Variants in CSMD3 observed in about 807,000 individuals in gnomAD.
CSMD3 encodes the protein CUB and Sushi multiple domains 3.
Under a neutral mutation model 435.2 loss-of-function variants are expected in CSMD3, and 177 were observed. The ratio of observed to expected loss-of-function variants is 0.41; its 90% CI spans 0.36 to 0.46. CSMD3 has a LOEUF of 0.46. Ranked by LOEUF, CSMD3 falls within the 20% of genes least tolerant of loss-of-function variation. CSMD3 has a pLI of 0.34. For synonymous variants in CSMD3, 1,656 were observed against 1,520.5 expected (o/e 1.09, Z -2.07); for missense variants, 4,265 against 4,504.6 (o/e 0.95, Z 1.52).
At chr8:113,224,089 A>G (rs569398494) in intron 3 of CSMD3, among the ~76,000 whole-genome samples, 21 of 149,898 alleles carry the variant, frequency 1.4e-4, no homozygotes, top group African/African-American at 4.0e-4. Context: ...ACAATTTCAC[A>G]CCTTCAAAGA....
chr8:112,843,650 A>C (rs2080241364), intron 11 of CSMD3, among the ~76,000 whole-genome samples: 1 of 151,856 alleles, frequency 6.6e-6, no homozygotes, highest in Admixed American at 6.6e-5. Context: ...TCTTTGCTGG[A>C]TTTGAAGATG....
intron 35 of CSMD3, among the ~76,000 whole-genome samples, chr8:112,391,417 G>A (rs1586966359): frequency 2.0e-5 from 3 of 152,262 alleles, no homozygotes; most frequent in Admixed American, 6.5e-5. Flanking sequence ...GATGAAGCTG[G>A]CCAGGTGCAG....
At chr8:113,131,353 T>A (rs1053833401) in intron 4 of CSMD3, among the ~76,000 whole-genome samples, 2 of 152,036 alleles carry the variant, frequency 1.3e-5, no homozygotes, top group Non-Finnish European at 2.9e-5. Context: ...GGGAAACCCT[T>A]GCTCTGTGCA....
chr8:112,608,806 A>G (rs1833001540), intron 22 of CSMD3, among the ~76,000 whole-genome samples: 1 of 152,076 alleles, frequency 6.6e-6, no homozygotes, highest in African/African-American at 2.4e-5. Flanking sequence ...ATGCAAAAAT[A>G]TGAAACTGGC....
chr8:112,441,115 T>G (rs1000787783), intron 32 of CSMD3, among the ~76,000 whole-genome samples: 2 of 152,152 alleles, frequency 1.3e-5, no homozygotes, highest in Admixed American at 1.3e-4. Flanking sequence ...TTGAATGCTT[T>G]GCTGCTTTGC....
intron 3 of CSMD3, among the ~76,000 whole-genome samples, chr8:113,224,917 T>G (rs2093009627): frequency 6.6e-6 from 1 of 151,418 alleles, no homozygotes; most frequent in South Asian, 2.1e-4. Context: ...AATTTCAGCA[T>G]CTGTGTGCAA....
At chr8:113,095,554 C>T (rs2090138589) in intron 5 of CSMD3, among the ~76,000 whole-genome samples, 1 of 151,988 alleles carries the variant, frequency 6.6e-6, no homozygotes, top group Non-Finnish European at 1.5e-5. Flanking sequence ...GACAACTGGC[C>T]AATTCCATTA....
At chr8:112,718,918 T>C (rs1563890584) in intron 13 of CSMD3, among the ~76,000 whole-genome samples, 1 of 152,138 alleles carries the variant, frequency 6.6e-6, no homozygotes, top group Non-Finnish European at 1.5e-5. Flanking sequence ...ATCTATTTAT[T>C]AGGTGGAGAT....
intron 5 of CSMD3, among the ~76,000 whole-genome samples, chr8:113,098,097 A>G (rs1169059658): frequency 6.6e-6 from 1 of 152,052 alleles, no homozygotes; most frequent in African/African-American, 2.4e-5. Flanking sequence ...ATTGTTTTGG[A>G]TAAATTCCCA....
At chr8:113,139,593 A>C (rs905265320) in intron 4 of CSMD3, among the ~76,000 whole-genome samples, 4 of 151,244 alleles carry the variant, frequency 2.6e-5, no homozygotes, top group Non-Finnish European at 5.9e-5. Flanking sequence ...GAAATACACT[A>C]AAAATGCAGT....
At chr8:112,438,140 C>T (rs1814583516) in intron 32 of CSMD3, among the ~76,000 whole-genome samples, 1 of 152,084 alleles carries the variant, frequency 6.6e-6, no homozygotes. Context: ...TCATTCCATT[C>T]ACCTTGAAAT....
chr8:112,264,925 A>T lies in CSMD3; in HGVS notation c.9688+486T>A, dbSNP rs575282995. 9.3e-4 allele frequency among the ~76,000 whole-genome samples: 142 copies of T among 152,204 alleles called. 1 individual carries two copies. Among genetic ancestry groups the T allele is most frequent in the Middle Eastern group, 6.8e-3 (2 of 294 alleles). On this transcript the variant is annotated intron_variant, in intron 60 of 70. Coordinates refer to ENST00000297405, the MANE Select transcript of CSMD3 (RefSeq NM_198123.2). ...CAAATTTATGGCTGTATTGACTAACAGGTTAATTCTAGATTGTATTATATG... is the reference window on the plus strand; with the variant it reads ...CAAATTTATGGCTGTATTGACTAACTGGTTAATTCTAGATTGTATTATATG...
Position 112,304,754 on chromosome 8 carries a change from A to T in CSMD3, c.8233T>A (p.Trp2745Arg), listed in dbSNP as rs2130776968. 1 of 1,613,710 alleles carries T rather than the reference A, an allele frequency of 6.2e-7. No homozygotes were observed. The highest frequency in any genetic ancestry group is 8.5e-7 in the Non-Finnish European group (1 of 1,179,688). Residue 2745 changes from tryptophan (W) to arginine (R), a missense_variant, in exon 52 of 71, where the codon TGG becomes AGG. By Grantham distance (101) the Trp-to-Arg change is moderately radical. Coordinates refer to ENST00000297405, the MANE Select transcript of CSMD3 (RefSeq NM_198123.2). ...TATGGTCTTTCATTTCTCCAACTCCAAGTACCATTAGGAAGACATTCGATG... is the reference window on the plus strand; with the variant it reads ...TATGGTCTTTCATTTCTCCAACTCCTAGTACCATTAGGAAGACATTCGATG... The part of the protein sequence containing the change: ...ASIECLPNGT[W>R]SWRNERPYCQ...
At chr8:112,885,470 A>C (rs1007429509) in intron 10 of CSMD3, among the ~76,000 whole-genome samples, 7 of 151,652 alleles carry the variant, frequency 4.6e-5, no homozygotes, top group Non-Finnish European at 1.0e-4. Flanking sequence ...ATTTAAGGTA[A>C]TGCTGTAAGA....
At chr8:112,283,161 C>G (rs1386632495) in intron 58 of CSMD3, among the ~76,000 whole-genome samples, 1 of 151,854 alleles carries the variant, frequency 6.6e-6, no homozygotes, top group African/African-American at 2.4e-5. Flanking sequence ...TCATCTAGTA[C>G]AAATTCCTAG....
At chr8:112,989,921 T>TG (rs1431516854) in intron 6 of CSMD3, among the ~76,000 whole-genome samples, 1 of 151,978 alleles carries the variant, frequency 6.6e-6, no homozygotes, top group Non-Finnish European at 1.5e-5. Context: ...AATTGAATCA[T>TG]GGGGGCAGTT....
chr8:113,196,705 A>T (rs1195747921), intron 3 of CSMD3, among the ~76,000 whole-genome samples: 4 of 151,282 alleles, frequency 2.6e-5, no homozygotes, highest in Non-Finnish European at 5.9e-5. Flanking sequence ...GTGGTAAACT[A>T]ATTATTTCCT....
chr8:112,723,878 A>C (rs1382670450), intron 13 of CSMD3, among the ~76,000 whole-genome samples: 8 of 152,062 alleles, frequency 5.3e-5, no homozygotes, highest in Admixed American at 5.2e-4. Flanking sequence ...GCAGTTATTT[A>C]ATAAATATGT....
intron 28 of CSMD3, among the ~76,000 whole-genome samples, chr8:112,508,373 GAC>G (rs1822751654): frequency 6.6e-6 from 1 of 152,100 alleles, no homozygotes; most frequent in African/African-American, 2.4e-5. Context: ...GGCAAGACCA[GAC>G]ACAGACCCTA....
Sources: gnomAD v4.1 joint callset for allele counts (sites outside exome capture counted in the v4.1 genomes callset) on GRCh38, gnomAD v4.1.1 for gene constraint, MANE v1.5 for transcripts, NCBI Gene and HGNC (gene_info 2026-07-23, HGNC 2026-07-21) for gene names.